SRRM4: variants seen among roughly 807,000 people sequenced by gnomAD.
SRRM4 encodes the protein serine/arginine repetitive matrix 4.
A neutral mutation model predicts 68.9 loss-of-function variants in SRRM4; 33 were observed. The ratio of observed to expected loss-of-function variants is 0.48; its 90% CI spans 0.36 to 0.64. The LOEUF (loss-of-function observed/expected upper bound fraction) is 0.64, where lower values mean the gene tolerates loss of function less well. Ranked by LOEUF, SRRM4 falls within the 30% of genes least tolerant of loss-of-function variation. The pLI is 0.00. For synonymous variants in SRRM4, 318 were observed against 318.8 expected, an observed-to-expected ratio of 1.00 and a Z score of 0.03; for missense variants, 817 against 827.1, an observed-to-expected ratio of 0.99 and a Z score of 0.15.
intron 1 of SRRM4, among the ~76,000 whole-genome samples, chr12:118,983,504 T>C (rs540078897): frequency 6.6e-6 from 1 of 152,324 alleles, no homozygotes; most frequent in South Asian, 2.1e-4. Flanking sequence ...GTGGTTTTTA[T>C]CTTCCTGGGT....
chr12:119,144,219 G>A (rs541706742), intron 8 of SRRM4, among the ~76,000 whole-genome samples: 127 of 151,640 alleles, frequency 8.4e-4, no homozygotes, highest in African/African-American at 3.0e-3. Flanking sequence ...TCCCTCCCTC[G>A]TGCCCCCTCA....
rs2136071251 is a variant in SRRM4, at chr12:119,156,578, G to A, written c.1616G>A (p.Ser539Asn). Residue 539 changes from serine (S) to asparagine (N), a missense_variant, in exon 13 of 13, where the codon AGC becomes AAC. Transcript: ENST00000267260. Reference protein sequence around the residue: ...SLSSTSSWYSSSSSRSASRSY... With the variant: ...SLSSTSSWYSNSSSRSASRSY... Reference sequence around the variant, plus strand: ...AGCAGCACCTCCTCCTGGTACAGCAGCAGCAGTAGCCGCTCGGCCAGCCGC... The same window carrying A: ...AGCAGCACCTCCTCCTGGTACAGCAACAGCAGTAGCCGCTCGGCCAGCCGC... 1 of 1,610,730 alleles carries A rather than the reference G, an allele frequency of 6.2e-7. No individual in the cohort carries two copies. Among genetic ancestry groups the A allele is most frequent in the Non-Finnish European group, 8.5e-7 (1 of 1,179,680 alleles).
chr12:119,026,017 G>T (rs1417573326), intron 1 of SRRM4, among the ~76,000 whole-genome samples: 1 of 151,916 alleles, frequency 6.6e-6, no homozygotes, highest in Non-Finnish European at 1.5e-5. Flanking sequence ...AGCAACCTGT[G>T]GGAGGTTTGA....
chr12:119,134,679 T>A lies in SRRM4; in HGVS notation c.771+3845T>A, dbSNP rs117383007. Among the ~76,000 whole-genome samples the A allele has an allele frequency of 5.2e-3, 792 of 152,314 alleles. 6 individuals carry two copies. Among genetic ancestry groups the A allele is most frequent in the Non-Finnish European group, 7.0e-3 (476 of 68,028 alleles). On this transcript the variant is annotated intron_variant, in intron 8 of 12. Coordinates refer to ENST00000267260, the MANE Select transcript of SRRM4 (RefSeq NM_194286.4). ...AAATCCTGAAACAGAAAAGTGACAC[T>A]TACTTCCCTTCAGCATCAAAGCCAG...
In SRRM4 at chr12:119,139,176, G is replaced by A. The variant is rs1022234400; in HGVS notation, c.772-6205G>A. Among the ~76,000 whole-genome samples, 6 of 152,324 alleles carry A rather than the reference G, an allele frequency of 3.9e-5. No homozygotes were observed. In the East Asian group the frequency reaches 1.2e-3, roughly 29 times the overall value. Reference sequence around the variant, plus strand: ...CCTGTTGTATCAATGTCGGAGGGGGGTGACTGTTTGCACCTTATGTGCCAG... The same window carrying A: ...CCTGTTGTATCAATGTCGGAGGGGGATGACTGTTTGCACCTTATGTGCCAG... On this transcript the variant is annotated intron_variant, in intron 8 of 12. Transcript: ENST00000267260.
chr12:118,982,515 C>T (rs1000952758), intron 1 of SRRM4, among the ~76,000 whole-genome samples: 7 of 152,098 alleles, frequency 4.6e-5, no homozygotes, highest in African/African-American at 1.4e-4. Flanking sequence ...CTCAAATACA[C>T]CCAAAACAGC....
Position 118,986,430 on chromosome 12 carries a change from C to T in SRRM4, c.131+4417C>T, listed in dbSNP as rs560945218. On this transcript the variant is annotated intron_variant, in intron 1 of 12. Coordinates refer to ENST00000267260, the MANE Select transcript of SRRM4 (RefSeq NM_194286.4). ...TTTCTGACATTCTGCTGTGTTCACCCGGCACACGTGCTATCTTAGAGAACG... is the reference window on the plus strand; with the variant it reads ...TTTCTGACATTCTGCTGTGTTCACCTGGCACACGTGCTATCTTAGAGAACG... Among the ~76,000 whole-genome samples the T allele has an allele frequency of 2.6e-5, 4 of 152,232 alleles. No homozygotes were observed. In the South Asian group the frequency reaches 6.2e-4, roughly 24 times the overall value.
In SRRM4 at chr12:119,078,192, C is replaced by T. The variant is rs78685461; in HGVS notation, c.132-24044C>T. Among the ~76,000 whole-genome samples the T allele has an allele frequency of 5.0e-3, 761 of 152,290 alleles. 4 individuals are homozygous for T. Among genetic ancestry groups the T allele is most frequent in the African/African-American group, 0.017 (692 of 41,552 alleles). On this transcript the variant is annotated intron_variant, in intron 1 of 12. Coordinates refer to ENST00000267260, the MANE Select transcript of SRRM4 (RefSeq NM_194286.4). ...AAAACTATAGCATATAGCCTCAGCT[C>T]CCTCCTCTATAAAAGGAATCATTGA...
intron 1 of SRRM4, among the ~76,000 whole-genome samples, chr12:118,985,400 A>G (rs1311183100): frequency 1.3e-5 from 2 of 152,196 alleles, no homozygotes; most frequent in African/African-American, 2.4e-5. Context: ...GAAAGCTCAA[A>G]CTTCTTGAAA....
chr12:118,987,150 G>A (rs925892237), intron 1 of SRRM4, among the ~76,000 whole-genome samples: 2 of 152,166 alleles, frequency 1.3e-5, no homozygotes, highest in Admixed American at 6.5e-5. Context: ...GGACCCGCTA[G>A]TCACTTCACC....
intron 1 of SRRM4, among the ~76,000 whole-genome samples, chr12:119,025,985 G>A (rs901481783): frequency 2.6e-5 from 4 of 151,976 alleles, no homozygotes; most frequent in Non-Finnish European, 2.9e-5. Context: ...TTAGAGTCAC[G>A]GCCACCGAGC....
chr12:119,019,455 C>G (rs562199379), intron 1 of SRRM4, among the ~76,000 whole-genome samples: 2 of 152,084 alleles, frequency 1.3e-5, no homozygotes, highest in African/African-American at 2.4e-5. Flanking sequence ...TGAATTCCCC[C>G]CCTCAAGCAT....
intron 1 of SRRM4, among the ~76,000 whole-genome samples, chr12:119,031,922 T>C (rs984171038): frequency 3.3e-5 from 5 of 152,214 alleles, no homozygotes; most frequent in African/African-American, 9.6e-5. Context: ...TTTACAAAAA[T>C]ATTTAATTTT....
intron 1 of SRRM4, among the ~76,000 whole-genome samples, chr12:119,067,774 A>T (rs1300140467): frequency 6.6e-6 from 1 of 152,216 alleles, no homozygotes; most frequent in Non-Finnish European, 1.5e-5. Context: ...ATGGAATCCC[A>T]GCTCCTCCAC....
intron 1 of SRRM4, among the ~76,000 whole-genome samples, chr12:119,059,299 C>T (rs11064649): frequency 6.6e-6 from 1 of 151,944 alleles, no homozygotes; most frequent in Non-Finnish European, 1.5e-5. Flanking sequence ...TTCATTTGTT[C>T]ATTTTGTTTG....
At chr12:119,140,910 A>G (rs1442146659) in intron 8 of SRRM4, among the ~76,000 whole-genome samples, 2 of 152,226 alleles carry the variant, frequency 1.3e-5, no homozygotes, top group Admixed American at 6.5e-5. Context: ...TCAATAGCAC[A>G]GTAGAGTGGC....
In SRRM4 at chr12:119,145,445, G is replaced by C; in HGVS notation, c.836G>C (p.Arg279Pro). The change falls in exon 9 of 13, where the codon CGA becomes CCA. Residue 279 changes from arginine (R) to proline (P), a missense_variant. By Grantham distance (103) the Arg-to-Pro change is moderately radical. Coordinates refer to ENST00000267260, the MANE Select transcript of SRRM4 (RefSeq NM_194286.4). ...ACAGCCAGCCCGCTCACCACCTCGC[G>C]AGGACGTTCCCAGGAGTACGACTCA... ...TKTASPLTTSRGRSQEYDSGN... is the reference protein window; with the variant it reads ...TKTASPLTTSPGRSQEYDSGN... The C allele has an allele frequency of 1.2e-6, 2 of 1,607,544 alleles. No homozygotes were observed. The highest frequency in any genetic ancestry group is 8.5e-7 in the Non-Finnish European group (1 of 1,177,150).
At chr12:119,142,132 A>G (rs1355500919) in intron 8 of SRRM4, among the ~76,000 whole-genome samples, 1 of 152,208 alleles carries the variant, frequency 6.6e-6, no homozygotes, top group Non-Finnish European at 1.5e-5. Flanking sequence ...ATGGTGTGGA[A>G]GAGATGCTAT....
At chr12:119,034,844 T>G (rs908500984) in intron 1 of SRRM4, among the ~76,000 whole-genome samples, 8 of 152,226 alleles carry the variant, frequency 5.3e-5, no homozygotes, top group Non-Finnish European at 1.0e-4. Context: ...AATCATTTTT[T>G]TGTCATATCC....
Sources: allele counts gnomAD v4.1 joint callset (sites outside exome capture counted in the v4.1 genomes callset), GRCh38; gene constraint gnomAD v4.1.1; transcripts MANE v1.5; gene names NCBI Gene and HGNC (gene_info 2026-07-23, HGNC 2026-07-21).